The following SCHIP1 variants were observed in gnomAD, a reference collection of about 807,000 sequenced individuals.
SCHIP1 encodes schwannomin-interacting protein 1.
A neutral mutation model predicts 29.7 loss-of-function variants in SCHIP1; 8 were observed. The ratio of observed to expected loss-of-function variants is 0.27; its 90% CI spans 0.16 to 0.49. SCHIP1 has a LOEUF of 0.49. Ranked by LOEUF, SCHIP1 falls within the 20% of genes least tolerant of loss-of-function variation. The probability of loss-of-function intolerance (pLI) is 0.99; values close to 1 mark genes in which losing one functional copy is unlikely to be tolerated. For missense variants in SCHIP1, 193 were observed against 294.6 expected (o/e 0.66, Z 2.52); for synonymous variants, 76 against 94.9 (o/e 0.80, Z 1.16).
At chr3:159,592,055 G>A in the SCHIP1 span, among the ~76,000 whole-genome samples, 3 of 151,248 alleles carry the variant, frequency 2.0e-5, no homozygotes, top group Admixed American at 2.0e-4. Flanking sequence ...CTTGCTTTTA[G>A]TCTGCTTGGG....
the SCHIP1 span, among the ~76,000 whole-genome samples, chr3:159,677,272 C>T: frequency 3.9e-5 from 6 of 152,254 alleles, no homozygotes; most frequent in Non-Finnish European, 8.8e-5. Flanking sequence ...CAAGGACAGA[C>T]TGTGCCACTA....
chr3:159,886,678 C>T (rs1716991309), intron 3 of SCHIP1: 2 of 219,754 alleles, frequency 9.1e-6, no homozygotes, highest in South Asian at 1.3e-4. Context: ...ATCAGCTGAG[C>T]CCAGGAGTTC....
the SCHIP1 span, among the ~76,000 whole-genome samples, chr3:159,327,189 A>G: frequency 6.6e-6 from 1 of 152,214 alleles, no homozygotes; most frequent in Non-Finnish European, 1.5e-5. Context: ...CAGGAAGGAC[A>G]TGGACTTTGG....
chr3:159,819,983 C>G, the SCHIP1 span, among the ~76,000 whole-genome samples: 1 of 152,200 alleles, frequency 6.6e-6, no homozygotes, highest in Admixed American at 6.5e-5. Context: ...CTCAGGTAAC[C>G]AGATCCTGGG....
the SCHIP1 span, among the ~76,000 whole-genome samples, chr3:159,541,450 ATTAAT>A: frequency 6.6e-6 from 1 of 152,008 alleles, no homozygotes; most frequent in African/African-American, 2.4e-5. Flanking sequence ...TTTTCTTCTG[ATTAAT>A]TTACCTCCCA....
At chr3:159,802,010 T>A in the SCHIP1 span, among the ~76,000 whole-genome samples, 1 of 152,178 alleles carries the variant, frequency 6.6e-6, no homozygotes, top group East Asian at 1.9e-4. Flanking sequence ...AAGGCCACCA[T>A]GGTTATAAAA....
At chr3:159,790,803 T>G in the SCHIP1 span, among the ~76,000 whole-genome samples, 4 of 152,266 alleles carry the variant, frequency 2.6e-5, no homozygotes. Context: ...GAAGCATTTT[T>G]TTCCCCTAAG....
At chr3:159,323,650 CTG>C in the SCHIP1 span, among the ~76,000 whole-genome samples, 6 of 152,158 alleles carry the variant, frequency 3.9e-5, no homozygotes, top group Non-Finnish European at 8.8e-5. Context: ...TCTTTGCACA[CTG>C]TGGAAATAAA....
the SCHIP1 span, among the ~76,000 whole-genome samples, chr3:159,529,527 T>A: frequency 2.0e-5 from 3 of 152,210 alleles, no homozygotes; most frequent in Non-Finnish European, 4.4e-5. Flanking sequence ...TGTGATACTT[T>A]GATGCAAGCA....
chr3:159,557,340 A>G, the SCHIP1 span, among the ~76,000 whole-genome samples: 1 of 152,262 alleles, frequency 6.6e-6, no homozygotes, highest in East Asian at 1.9e-4. Flanking sequence ...AATAAGAATT[A>G]GTCTTAGAAA....
At chr3:159,421,494 A>G in the SCHIP1 span, among the ~76,000 whole-genome samples, 1 of 152,120 alleles carries the variant, frequency 6.6e-6, no homozygotes, top group African/African-American at 2.4e-5. Flanking sequence ...ATGACTTTAT[A>G]CTATGAAAAA....
chr3:159,806,750 A>T, the SCHIP1 span, among the ~76,000 whole-genome samples: 1 of 152,110 alleles, frequency 6.6e-6, no homozygotes, highest in African/African-American at 2.4e-5. Flanking sequence ...AGGGCCCTCC[A>T]CTCGCGTGGT....
the SCHIP1 span, among the ~76,000 whole-genome samples, chr3:159,699,863 T>C: frequency 1.1e-3 from 161 of 152,194 alleles, no homozygotes; most frequent in Non-Finnish European, 1.7e-3. Flanking sequence ...CAGTGACTCA[T>C]GAAAGGCACA....
At chr3:159,398,659 G>A in the SCHIP1 span, among the ~76,000 whole-genome samples, 1 of 152,004 alleles carries the variant, frequency 6.6e-6, no homozygotes, top group African/African-American at 2.4e-5. Flanking sequence ...GGACTTGAGA[G>A]GTATTTTATG....
the SCHIP1 span, among the ~76,000 whole-genome samples, chr3:159,619,081 A>G: frequency 6.6e-6 from 1 of 152,260 alleles, no homozygotes; most frequent in East Asian, 1.9e-4. Flanking sequence ...ATTTATACCA[A>G]GTCAACCATG....
At chr3:159,467,832 T>C in the SCHIP1 span, among the ~76,000 whole-genome samples, 1 of 152,274 alleles carries the variant, frequency 6.6e-6, no homozygotes, top group East Asian at 1.9e-4. Flanking sequence ...TTGAACTAAA[T>C]TGAGTGATTG....
the SCHIP1 span, among the ~76,000 whole-genome samples, chr3:159,827,300 A>G: frequency 6.6e-6 from 1 of 152,216 alleles, no homozygotes; most frequent in East Asian, 1.9e-4. Flanking sequence ...AAATTTCATT[A>G]TAACTAATAG....
At chr3:159,378,163 T>C in the SCHIP1 span, among the ~76,000 whole-genome samples, 1 of 152,246 alleles carries the variant, frequency 6.6e-6, no homozygotes, top group Admixed American at 6.5e-5. Flanking sequence ...ACATCTGTAT[T>C]CTTATTACCT....
intron 1 of SCHIP1, among the ~76,000 whole-genome samples, chr3:159,842,605 T>C (rs899325416): frequency 1.3e-5 from 2 of 152,136 alleles, no homozygotes; most frequent in East Asian, 3.8e-4. Flanking sequence ...CTGCTTCCTC[T>C]TGGACTCCGC....
Sources: gnomAD v4.1 joint callset for allele counts (sites outside exome capture counted in the v4.1 genomes callset) on GRCh38, gnomAD v4.1.1 for gene constraint, MANE v1.5 for transcripts, NCBI Gene and HGNC (gene_info 2026-07-23, HGNC 2026-07-21) for gene names.